Variants in TENM3 observed in about 807,000 individuals in gnomAD.
TENM3 encodes teneurin transmembrane protein 3, also known as teneurin-3.
A neutral mutation model predicts 255.1 loss-of-function variants in TENM3; 63 were observed. That is an observed-to-expected ratio of 0.25 (90% CI 0.20 to 0.30). The LOEUF (loss-of-function observed/expected upper bound fraction) is 0.30. TENM3 is among the 10% of genes least tolerant of loss of function. The pLI, the probability that TENM3 is intolerant of heterozygous loss-of-function variation, is 1.00. For synonymous variants in TENM3, 1,306 were observed against 1,322.3 expected, an observed-to-expected ratio of 0.99 and a Z score of 0.27; for missense variants, 2,929 against 3,461.1, an observed-to-expected ratio of 0.85 and a Z score of 3.86.
the TENM3 span, among the ~76,000 whole-genome samples, chr4:181,537,739 C>A: frequency 2.4e-4 from 36 of 152,180 alleles, no homozygotes; most frequent in Non-Finnish European, 4.1e-4. Context: ...TAACAAGAGA[C>A]GGTGGCTAAG....
the TENM3 span, among the ~76,000 whole-genome samples, chr4:181,528,404 T>A: frequency 0.2 from 29,680 of 152,146 alleles, 3,084 homozygotes; most frequent in South Asian, 0.27. Context: ...GACACTATAG[T>A]CTTCGAGTGA....
At chr4:182,002,637 A>C in the TENM3 span, among the ~76,000 whole-genome samples, 12 of 152,072 alleles carry the variant, frequency 7.9e-5, no homozygotes, top group Admixed American at 1.3e-4. Flanking sequence ...TGTGTCTGCT[A>C]TTGAATCCCA....
chr4:181,950,340 C>A, the TENM3 span, among the ~76,000 whole-genome samples: 3 of 152,086 alleles, frequency 2.0e-5, no homozygotes, highest in Non-Finnish European at 4.4e-5. Flanking sequence ...ACTCAGCCCG[C>A]CTGCGCCCAG....
chr4:182,071,544 C>G, the TENM3 span, among the ~76,000 whole-genome samples: 1 of 150,800 alleles, frequency 6.6e-6, no homozygotes, highest in African/African-American at 2.4e-5. Context: ...CTCCCGGGTT[C>G]AAGCAATTCT....
the TENM3 span, among the ~76,000 whole-genome samples, chr4:181,534,524 G>A: frequency 0.093 from 14,036 of 151,628 alleles, 736 homozygotes; most frequent in East Asian, 0.19. Flanking sequence ...TAGCTTGGCT[G>A]TTCCTGAATG....
chr4:182,243,908 C>G (rs1018117038), intron 1 of TENM3, among the ~76,000 whole-genome samples: 1 of 147,654 alleles, frequency 6.8e-6, no homozygotes, highest in African/African-American at 2.5e-5. Context: ...AAAGTGCTAA[C>G]TGATAGACTC....
the TENM3 span, among the ~76,000 whole-genome samples, chr4:181,949,815 C>T: frequency 6.6e-6 from 1 of 152,096 alleles, no homozygotes; most frequent in African/African-American, 2.4e-5. Flanking sequence ...TCTCAAGCCC[C>T]CTGCCTCCCT....
At chr4:181,455,169 G>A in the TENM3 span, among the ~76,000 whole-genome samples, 3,938 of 152,168 alleles carry the variant, frequency 0.026, 177 homozygotes, top group African/African-American at 0.09. Context: ...CATGTGGCTG[G>A]TTCTTTTCTT....
At chr4:182,088,166 G>A in the TENM3 span, among the ~76,000 whole-genome samples, 3 of 152,164 alleles carry the variant, frequency 2.0e-5, no homozygotes, top group African/African-American at 7.2e-5. Flanking sequence ...AACATACAGT[G>A]AATGTTTCTA....
chr4:182,002,023 T>C, the TENM3 span, among the ~76,000 whole-genome samples: 1 of 152,170 alleles, frequency 6.6e-6, no homozygotes, highest in Non-Finnish European at 1.5e-5. Flanking sequence ...ATGTCATTAA[T>C]GTTTTCCCAA....
At chr4:182,794,187 C>A (rs933156576) in intron 26 of TENM3, among the ~76,000 whole-genome samples, 1 of 152,140 alleles carries the variant, frequency 6.6e-6, no homozygotes, top group African/African-American at 2.4e-5. Flanking sequence ...AACACAGAGT[C>A]CCAAAATTGG....
At chr4:181,450,587 C>T in the TENM3 span, among the ~76,000 whole-genome samples, 4 of 152,094 alleles carry the variant, frequency 2.6e-5, no homozygotes, top group South Asian at 2.1e-4. Flanking sequence ...TGAGTGTTTG[C>T]GCATCCAATT....
At chr4:181,564,319 A>G in the TENM3 span, among the ~76,000 whole-genome samples, 1 of 152,172 alleles carries the variant, frequency 6.6e-6, no homozygotes, top group Non-Finnish European at 1.5e-5. Context: ...AGTGGTTACT[A>G]AACACACGAC....
At chr4:182,033,341 A>G in the TENM3 span, among the ~76,000 whole-genome samples, 1 of 152,126 alleles carries the variant, frequency 6.6e-6, no homozygotes, top group Non-Finnish European at 1.5e-5. Flanking sequence ...CTTTCCATAT[A>G]GTTGTGTGGT....
At chr4:181,535,096 T>C in the TENM3 span, among the ~76,000 whole-genome samples, 1 of 152,154 alleles carries the variant, frequency 6.6e-6, no homozygotes, top group African/African-American at 2.4e-5. Flanking sequence ...TGTGTGGATG[T>C]CTTAAGTAGC....
chr4:182,617,882 C>G (rs938360783), intron 4 of TENM3, among the ~76,000 whole-genome samples: 3 of 152,134 alleles, frequency 2.0e-5, no homozygotes, highest in Admixed American at 1.3e-4. Context: ...GCAGTAGTGC[C>G]TTTGTCCCTA....
the TENM3 span, among the ~76,000 whole-genome samples, chr4:182,100,770 T>C: frequency 3.6e-5 from 2 of 55,652 alleles, no homozygotes; most frequent in African/African-American, 7.4e-5. Context: ...CACATATATA[T>C]ACACATATAT....
the TENM3 span, among the ~76,000 whole-genome samples, chr4:181,684,127 T>G: frequency 6.6e-6 from 1 of 152,154 alleles, no homozygotes; most frequent in Non-Finnish European, 1.5e-5. Flanking sequence ...CCTGGCGTCC[T>G]CCACACAGGT....
intron 1 of TENM3, among the ~76,000 whole-genome samples, chr4:182,150,225 A>G (rs1750244227): frequency 6.6e-6 from 1 of 151,840 alleles, no homozygotes; most frequent in African/African-American, 2.4e-5. Context: ...AGAAAGGAAA[A>G]GAGGAAGGGA....
Sources: gnomAD v4.1 joint callset for allele counts (sites outside exome capture counted in the v4.1 genomes callset) on GRCh38, gnomAD v4.1.1 for gene constraint, MANE v1.5 for transcripts, NCBI Gene and HGNC (gene_info 2026-07-23, HGNC 2026-07-21) for gene names.